Variants in TRMT2B observed in about 807,000 individuals in gnomAD.
The protein encoded by TRMT2B is tRNA methyltransferase 2B.
Under a neutral mutation model 39.7 loss-of-function variants are expected in TRMT2B, and 34 were observed. The ratio of observed to expected loss-of-function variants is 0.86; its 90% CI spans 0.65 to 1.14. TRMT2B has a LOEUF of 1.14. TRMT2B is among the 50% of genes most tolerant of loss of function. The pLI is 0.00. For synonymous variants in TRMT2B, 132 were observed against 137.3 expected (o/e 0.96, Z 0.27); for missense variants, 318 against 377.2 (o/e 0.84, Z 1.30).
chrX:101,028,103 CT>C (rs1179041650), intron 7 of TRMT2B, among the ~76,000 whole-genome samples: 1 of 99,507 alleles, frequency 1.0e-5, no homozygotes, highest in East Asian at 3.5e-4. Context: ...CCATTTTTTA[CT>C]TCTTGCTCTT....
intron 13 of TRMT2B, chrX:101,015,553 A>G: frequency 1.9e-6 from 1 of 530,333 alleles, no homozygotes; most frequent in Non-Finnish European, 2.3e-6. Flanking sequence ...ATACCTTTAT[A>G]ATATTGCCTT....
At chrX:100,998,450 G>A in the TRMT2B span, among the ~76,000 whole-genome samples, 2 of 106,431 alleles carry the variant, frequency 1.9e-5, no homozygotes, top group East Asian at 6.1e-4. Flanking sequence ...AGCTACTCGG[G>A]AGACTGAGGC....
intron 13 of TRMT2B, 145 bp downstream of exon 13, chrX:101,018,826 T>C (rs2086655470): frequency 1.5e-5 from 7 of 482,575 alleles, no homozygotes; most frequent in South Asian, 3.3e-5. Context: ...TGTAATTGAG[T>C]CTTAAAGGTG....
In TRMT2B at chrX:101,021,095, A is replaced by G. The variant is rs1602545900; in HGVS notation, c.1066+6T>C. On this transcript the variant is annotated splice_donor_region_variant and intron_variant, in intron 10 of 13. Coordinates refer to ENST00000372936, the MANE Select transcript of TRMT2B (RefSeq NM_024917.6). ...CATGCAGATTCTGCCCTGGGCTTCC[A>G]CTTGCCAGTTCCACAGCAGATGTCA... 8.3e-7 allele frequency: 1 copy of G among 1,208,559 alleles called. No homozygotes were observed. The highest frequency in any genetic ancestry group is 1.8e-5 in the South Asian group (1 of 56,891).
chrX:100,980,167 A>G, the TRMT2B span, among the ~76,000 whole-genome samples: 6 of 111,512 alleles, frequency 5.4e-5, no homozygotes, highest in African/African-American at 2.0e-4. Context: ...CTGCCAGGAC[A>G]GGGTATTTCC....
intron 5 of TRMT2B, 64 bp downstream of exon 5, chrX:101,037,853 A>C: frequency 3.5e-5 from 37 of 1,046,075 alleles, no homozygotes; most frequent in Non-Finnish European, 4.5e-5. Flanking sequence ...CCCAGTAAAT[A>C]TCAGCTGATG....
At chrX:100,973,951 G>A in the TRMT2B span, among the ~76,000 whole-genome samples, 1 of 111,579 alleles carries the variant, frequency 9.0e-6, no homozygotes, top group African/African-American at 3.3e-5. Flanking sequence ...ATCCTTGGGG[G>A]CTTTGGTGAG....
At chrX:101,024,911 C>T (rs955377931) in intron 7 of TRMT2B, among the ~76,000 whole-genome samples, 2 of 108,785 alleles carry the variant, frequency 1.8e-5, no homozygotes, top group African/African-American at 3.4e-5. Flanking sequence ...GTGGGAGGAT[C>T]GCCTGAGCCC....
Position 101,037,937 on chromosome X carries a change from G to A in TRMT2B, c.418C>T (p.Leu140Phe), listed in dbSNP as rs761696048. The A allele has an allele frequency of 1.7e-6, 2 of 1,210,744 alleles. No homozygotes were observed. The highest frequency in any genetic ancestry group is 3.5e-5 in the South Asian group (2 of 56,927). The change falls in exon 5 of 14, where the codon CTC becomes TTC. Residue 140 changes from leucine to phenylalanine, a missense_variant. Coordinates refer to ENST00000372936, the MANE Select transcript of TRMT2B (RefSeq NM_024917.6). The part of the protein sequence containing the change: ...VPKSERLSCL[L>F]HPIIPSPVIN... ...CTTACAGAGGGTATAATAGGATGGA[G>A]AAGACAAGAGAGCCTCTCAGATTTG...
chrX:101,049,779 T>C (rs1394138186), intron 2 of TRMT2B, among the ~76,000 whole-genome samples: 1 of 27,316 alleles, frequency 3.7e-5, no homozygotes, highest in East Asian at 1.4e-3. Flanking sequence ...AAGAGACTCC[T>C]TCTCAAAAAA....
chrX:101,033,683 G>A (rs1602616260), intron 7 of TRMT2B, among the ~76,000 whole-genome samples: 1 of 110,921 alleles, frequency 9.0e-6, no homozygotes, highest in African/African-American at 3.3e-5. Flanking sequence ...AAAACAAAAA[G>A]ATGCAAAATA....
At position 101,010,417 on chromosome X, in the gene TRMT2B, AAATCTGCCTCAGACC is replaced by A. The variant is rs918129943; in HGVS notation, c.*149_*163del. ...AGAGTGAGACTCTATCTCAAAAAAA[AAATCTGCCTCAGACC>A]AGAGGCCTAATAGATTCTTCCTATT... On this transcript the variant is annotated 3_prime_UTR_variant, in exon 14 of 14. Transcript: ENST00000372936. 8 of 593,099 alleles carry A rather than the reference AAATCTGCCTCAGACC, an allele frequency of 1.3e-5. No individual in the cohort carries two copies. The highest frequency in any genetic ancestry group is 1.3e-5 in the Non-Finnish European group (5 of 377,646). The allele number at this position is 593,099 out of a possible 1,213,427, so 48.9% of individuals were successfully genotyped here.
At chrX:100,991,542 C>T in the TRMT2B span, among the ~76,000 whole-genome samples, 769 of 110,904 alleles carry the variant, frequency 6.9e-3, 12 homozygotes, top group African/African-American at 0.024. Context: ...CCACGGCCAG[C>T]TTTTTGTATT....
chrX:101,011,360 A>G (rs2147991481), intron 13 of TRMT2B, among the ~76,000 whole-genome samples: 1 of 111,972 alleles, frequency 8.9e-6, no homozygotes, highest in East Asian at 2.8e-4. Flanking sequence ...TCTAAACATT[A>G]AAAAGTACTG....
At chrX:100,985,590 A>G in the TRMT2B span, 10 of 1,116,133 alleles carry the variant, frequency 9.0e-6, no homozygotes, top group Non-Finnish European at 1.2e-5. Context: ...ATGAAATCGG[A>G]ACCGACTCTA....
chrX:100,995,031 C>T, the TRMT2B span, among the ~76,000 whole-genome samples: 1 of 111,937 alleles, frequency 8.9e-6, no homozygotes, highest in Non-Finnish European at 1.9e-5. Flanking sequence ...AATAAGTGCA[C>T]TCAACACAAC....
chrX:101,037,847 G>C (rs1354743598), intron 5 of TRMT2B, 70 bp downstream of exon 5: 1 of 1,089,803 alleles, frequency 9.2e-7, no homozygotes, highest in East Asian at 3.1e-5. Context: ...CAAGTACCCA[G>C]TAAATATCAG....
chrX:101,042,685 G>A (rs12558185), intron 2 of TRMT2B, among the ~76,000 whole-genome samples: 10,006 of 111,417 alleles, frequency 0.09, 378 homozygotes, highest in Admixed American at 0.14. Context: ...GGGTTACAAA[G>A]GTTACAATCT....
intron 13 of TRMT2B, among the ~76,000 whole-genome samples, chrX:101,018,442 C>CT (rs1171655035): frequency 1.4e-3 from 142 of 100,269 alleles, no homozygotes; most frequent in Middle Eastern, 4.8e-3. Context: ...ATTTTTAACA[C>CT]TTTTTTTTTT....
Sources: allele counts gnomAD v4.1 joint callset (sites outside exome capture counted in the v4.1 genomes callset), GRCh38; gene constraint gnomAD v4.1.1; transcripts MANE v1.5; gene names NCBI Gene and HGNC (gene_info 2026-07-23, HGNC 2026-07-21).